The following SLC18B1 variants were observed in gnomAD, a reference collection of about 807,000 sequenced individuals.
The protein encoded by SLC18B1 is solute carrier family 18 member B1, also known as MFS-type transporter SLC18B1.
Under a neutral mutation model 53.9 loss-of-function variants are expected in SLC18B1, and 62 were observed. The observed-to-expected ratio is 1.15, with a 90% CI of 0.94 to 1.42. The LOEUF (loss-of-function observed/expected upper bound fraction) is 1.42, where lower values mean the gene tolerates loss of function less well. Ranked by LOEUF, SLC18B1 falls within the 40% of genes most tolerant of loss-of-function variation. The pLI is 0.00. For synonymous variants in SLC18B1, 217 were observed against 200.9 expected (o/e 1.08, Z -0.68); for missense variants, 598 against 547.3 (o/e 1.09, Z -0.93).
intron 6 of SLC18B1, among the ~76,000 whole-genome samples, chr6:132,780,056 G>A (rs979234321): frequency 2.6e-5 from 4 of 151,978 alleles, no homozygotes; most frequent in African/African-American, 9.6e-5. Flanking sequence ...TGAGATTTGG[G>A]TGGGGATACA....
rs1780930137 is a variant in SLC18B1, at chr6:132,770,120, G to T, written c.*150C>A. On this transcript the variant is annotated 3_prime_UTR_variant, in exon 14 of 14. Coordinates refer to ENST00000275227, the MANE Select transcript of SLC18B1 (RefSeq NM_052831.3). ...ATCACAGTAAGTACAGCCCAATACA[G>T]GATCATCCAAAAACACGTTGACACT... 1.6e-6 allele frequency: 1 copy of T among 632,442 alleles called. No individual in the cohort carries two copies. 39.2% of individuals were successfully genotyped at this position (632,442 alleles called of 1,614,324 possible).
chr6:132,793,711 G>A (rs1425208856), intron 2 of SLC18B1, among the ~76,000 whole-genome samples: 1 of 152,114 alleles, frequency 6.6e-6, no homozygotes, highest in Non-Finnish European at 1.5e-5. Flanking sequence ...ATTACCAAAG[G>A]TACATTCATA....
chr6:132,789,331 G>T (rs1407372421), intron 4 of SLC18B1: 1 of 159,026 alleles, frequency 6.3e-6, no homozygotes, highest in Non-Finnish European at 1.4e-5. Flanking sequence ...AAGCTGCTAG[G>T]GGTCCCCTTG....
chr6:132,782,801 G>A lies in SLC18B1; in HGVS notation c.658+1132C>T, dbSNP rs562772627. Among the ~76,000 whole-genome samples, 447 of 148,744 alleles carry A rather than the reference G, an allele frequency of 3.0e-3. 1 individual carries two copies. The highest frequency in any genetic ancestry group is 9.8e-3 in the African/African-American group (395 of 40,290). ...AATTTTTTTTTTTTTTTGAGATGGAGTCTCACTTTGTTGTCCAGGCTGGAG... is the reference window on the plus strand; with the variant it reads ...AATTTTTTTTTTTTTTTGAGATGGAATCTCACTTTGTTGTCCAGGCTGGAG... On this transcript the variant is annotated intron_variant, in intron 6 of 13. Transcript: ENST00000275227.
intron 11 of SLC18B1, among the ~76,000 whole-genome samples, chr6:132,771,512 A>G (rs1780973581): frequency 6.6e-6 from 1 of 152,104 alleles, no homozygotes; most frequent in African/African-American, 2.4e-5. Context: ...AAATAAACAA[A>G]TGAATGAATA....
chr6:132,770,441 A>G, intron 13 of SLC18B1, 105 bp from the exon 14 acceptor site: 1 of 1,034,776 alleles, frequency 9.7e-7, no homozygotes, highest in East Asian at 2.5e-5. Flanking sequence ...ATCTTTTTAA[A>G]AAAGTTTCTA....
chr6:132,785,619 A>G (rs577467733), intron 5 of SLC18B1, among the ~76,000 whole-genome samples: 1 of 152,346 alleles, frequency 6.6e-6, no homozygotes, highest in African/African-American at 2.4e-5. Flanking sequence ...AATTTTATAC[A>G]GAAACTTGGT....
At chr6:132,782,996 A>T (rs539651255) in intron 6 of SLC18B1, among the ~76,000 whole-genome samples, 2 of 152,130 alleles carry the variant, frequency 1.3e-5, no homozygotes, top group Non-Finnish European at 2.9e-5. Flanking sequence ...GCCGGTCTCA[A>T]ACTCCTGACC....
At chr6:132,794,172 C>T (rs1209818286) in intron 2 of SLC18B1, among the ~76,000 whole-genome samples, 3 of 149,464 alleles carry the variant, frequency 2.0e-5, no homozygotes, top group Non-Finnish European at 4.4e-5. Context: ...GGGGCGATCT[C>T]GGCTCACTGC....
chr6:132,787,768 T>A (rs1175287292), intron 4 of SLC18B1, among the ~76,000 whole-genome samples, 187 bp from the exon 5 acceptor site: 2 of 152,154 alleles, frequency 1.3e-5, no homozygotes, highest in African/African-American at 4.8e-5. Flanking sequence ...ACCCTTTTTC[T>A]TTTTTTGGTA....
Position 132,782,827 on chromosome 6 carries a change from C to A in SLC18B1, c.658+1106G>T, listed in dbSNP as rs531605694. Among the ~76,000 whole-genome samples the A allele has an allele frequency of 3.3e-5, 5 of 149,516 alleles. No homozygotes were observed. In the South Asian group the frequency reaches 1.1e-3, roughly 32 times the overall value. On this transcript the variant is annotated intron_variant, in intron 6 of 13. Transcript: ENST00000275227. ...TCTCACTTTGTTGTCCAGGCTGGAGCGCAGTGGCATGATCTTGGCTCACTG... is the reference window on the plus strand; with the variant it reads ...TCTCACTTTGTTGTCCAGGCTGGAGAGCAGTGGCATGATCTTGGCTCACTG...
chr6:132,772,025 G>A, intron 11 of SLC18B1, 107 bp downstream of exon 11: 1 of 709,184 alleles, frequency 1.4e-6, no homozygotes, highest in Non-Finnish European at 2.3e-6. Flanking sequence ...CTGGGAGGCG[G>A]AGGTTGCAGT....
intron 2 of SLC18B1, among the ~76,000 whole-genome samples, chr6:132,794,244 C>A (rs796574165): frequency 2.6e-5 from 4 of 151,988 alleles, no homozygotes; most frequent in African/African-American, 9.6e-5. Flanking sequence ...GCTGGGACTA[C>A]AGTCACGTGC....
chr6:132,788,925 CAA>C (rs11439950), intron 4 of SLC18B1, among the ~76,000 whole-genome samples: 10 of 104,884 alleles, frequency 9.5e-5, no homozygotes, highest in Non-Finnish European at 1.4e-4. Context: ...CTGAAACCTT[CAA>C]AAAAAAAAAA....
chr6:132,770,974 T>C lies in SLC18B1; in HGVS notation c.1255-35A>G, dbSNP rs201444743. ...AATTAAAAGTACTGATTAATGTAAA[T>C]TTTCCAAGTCAAGTTTTTCCACAAA... On this transcript the variant is annotated intron_variant, in intron 12 of 13. Transcript: ENST00000275227. 3.7e-5 allele frequency: 59 copies of C among 1,611,414 alleles called. 1 individual carries two copies. The African/African-American group carries it at 5.2e-4, about 14-fold the overall frequency.
intron 2 of SLC18B1, among the ~76,000 whole-genome samples, chr6:132,790,648 A>G (rs1562270470): frequency 6.6e-6 from 1 of 152,208 alleles, no homozygotes; most frequent in Non-Finnish European, 1.5e-5. Flanking sequence ...CCTTTTGGGT[A>G]TCACATTTAT....
At chr6:132,774,955 G>A (rs185728024) in intron 8 of SLC18B1, among the ~76,000 whole-genome samples, 41 of 152,192 alleles carry the variant, frequency 2.7e-4, no homozygotes, top group Non-Finnish European at 4.4e-4. Flanking sequence ...AGTATTAATA[G>A]TTACAATACC....
intron 11 of SLC18B1, among the ~76,000 whole-genome samples, chr6:132,771,353 A>G (rs1251118462): frequency 1.3e-5 from 2 of 152,310 alleles, no homozygotes; most frequent in African/African-American, 4.8e-5. Flanking sequence ...GCTTCTGAAA[A>G]GTTGATGGCT....
intron 6 of SLC18B1, among the ~76,000 whole-genome samples, chr6:132,781,349 T>C (rs1344364200): frequency 1.3e-5 from 2 of 151,046 alleles, no homozygotes; most frequent in African/African-American, 4.9e-5. Context: ...AGGAAGTTAC[T>C]GTTAGAGATG....
Sources: allele counts gnomAD v4.1 joint callset (sites outside exome capture counted in the v4.1 genomes callset), GRCh38; gene constraint gnomAD v4.1.1; transcripts MANE v1.5; gene names NCBI Gene and HGNC (gene_info 2026-07-23, HGNC 2026-07-21).